The following THADA variants were observed in gnomAD, a reference collection of about 807,000 sequenced individuals.
The protein encoded by THADA is tRNA (32-2'-O)-methyltransferase regulator THADA.
In THADA, 213 loss-of-function variants were observed where a neutral mutation model predicts 219.8. The ratio of observed to expected loss-of-function variants is 0.97; its 90% confidence interval spans 0.87 to 1.09. The LOEUF (loss-of-function observed/expected upper bound fraction) is 1.09, where lower values mean the gene tolerates loss of function less well. Ranked by LOEUF, THADA falls within the 50% of genes least tolerant of loss-of-function variation. THADA has a pLI of 0.00. For missense variants in THADA, 2,956 were observed against 2,311.3 expected (o/e 1.28, Z -5.72); for synonymous variants, 1,018 against 828.9 (o/e 1.23, Z -3.92).
intron 29 of THADA, among the ~76,000 whole-genome samples, chr2:43,364,081 G>GTAACTAAA (rs200168745): frequency 0.035 from 5,275 of 151,942 alleles, 238 homozygotes; most frequent in African/African-American, 0.1. Flanking sequence ...AAAATTATAT[G>GTAACTAAA]GGTGTGACGG....
chr2:43,433,311 C>T (rs1679618836), intron 26 of THADA, among the ~76,000 whole-genome samples: 1 of 151,958 alleles, frequency 6.6e-6, no homozygotes, highest in Admixed American at 6.6e-5. Flanking sequence ...GGGTGGATCA[C>T]CTGAGGTCAG....
At chr2:43,239,715 G>A (rs1366420383) in intron 36 of THADA, among the ~76,000 whole-genome samples, 1 of 152,222 alleles carries the variant, frequency 6.6e-6, no homozygotes, top group Non-Finnish European at 1.5e-5. Context: ...CATAGTAAAT[G>A]CTGTGCAAAT....
intron 30 of THADA, chr2:43,333,145 T>C (rs899885928): frequency 2.0e-5 from 3 of 152,194 alleles, no homozygotes; most frequent in Admixed American, 2.0e-4. Context: ...ATGAAGAAAA[T>C]GTTTTGCACC....
chr2:43,438,697 C>A, intron 26 of THADA, among the ~76,000 whole-genome samples: 1 of 152,170 alleles, frequency 6.6e-6, no homozygotes, highest in East Asian at 1.9e-4. Context: ...TGGAACATTA[C>A]AGTAGTCCCC....
intron 29 of THADA, among the ~76,000 whole-genome samples, chr2:43,347,216 C>G (rs1466926935): frequency 6.6e-6 from 1 of 152,202 alleles, no homozygotes; most frequent in Non-Finnish European, 1.5e-5. Context: ...AACTTAACCT[C>G]TGTTTCTCCA....
intron 16 of THADA, 133 bp from the exon 17 acceptor site, chr2:43,556,688 G>T: frequency 1.3e-6 from 1 of 761,244 alleles, no homozygotes; most frequent in Non-Finnish European, 2.1e-6. Context: ...TACTCAAGAG[G>T]CTGATGGAGG....
At chr2:43,503,010 A>C (rs1360510760) in intron 24 of THADA, among the ~76,000 whole-genome samples, 1 of 152,216 alleles carries the variant, frequency 6.6e-6, no homozygotes, top group Admixed American at 6.5e-5. Context: ...AAAGATGCAA[A>C]ATAAAACTAG....
At chr2:43,232,260 C>G (rs956013318) in intron 37 of THADA, among the ~76,000 whole-genome samples, 3 of 151,840 alleles carry the variant, frequency 2.0e-5, no homozygotes, top group East Asian at 3.9e-4. Flanking sequence ...CTCACTGCAA[C>G]CTCCGCCTCC....
rs765126430 is a variant in THADA, at chr2:43,574,795, G to A, written c.1270C>T (p.Leu424Phe). 4.3e-6 allele frequency: 7 copies of A among 1,614,014 alleles called. No individual in the cohort carries two copies. The East Asian group carries it at 1.6e-4, about 36-fold the overall frequency. The change falls in exon 11 of 38, where the codon CTC (leucine) becomes TTC (phenylalanine). Residue 424 changes from leucine to phenylalanine, a missense_variant. Transcript: ENST00000405975. The part of the protein sequence containing the change: ...MFKNLLQMHR[L>F]TVEGADFVPD... ...ACGAAATCTGCACCTTCCACAGTGAGCCGGTGCATTTGGAGAAGGTTTTTG... is the reference window on the plus strand; with the variant it reads ...ACGAAATCTGCACCTTCCACAGTGAACCGGTGCATTTGGAGAAGGTTTTTG...
At chr2:43,502,538 T>A (rs1689124032) in intron 24 of THADA, among the ~76,000 whole-genome samples, 1 of 143,270 alleles carries the variant, frequency 7.0e-6, no homozygotes, top group Non-Finnish European at 1.5e-5. Flanking sequence ...TGAGCTGAGA[T>A]CGTGCCACTG....
At chr2:43,439,302 T>C (rs1041437592) in intron 26 of THADA, among the ~76,000 whole-genome samples, 2 of 152,222 alleles carry the variant, frequency 1.3e-5, no homozygotes, top group Admixed American at 1.3e-4. Flanking sequence ...ATCACACTCG[T>C]TTAACTTTTA....
intron 1 of THADA, among the ~76,000 whole-genome samples, chr2:43,593,434 C>A (rs1264354429): frequency 6.6e-6 from 1 of 152,106 alleles, no homozygotes; most frequent in East Asian, 1.9e-4. Context: ...AGGTACAGCG[C>A]TGGCGGCCAT....
chr2:43,571,678 TC>T (rs768244229), intron 13 of THADA, 28 bp downstream of exon 13: 3 of 1,595,582 alleles, frequency 1.9e-6, no homozygotes, highest in African/African-American at 1.4e-5. Context: ...GTTCACCACT[TC>T]CCTATGCCTT....
chr2:43,353,849 G>A (rs978455022), intron 29 of THADA, among the ~76,000 whole-genome samples: 8 of 135,948 alleles, frequency 5.9e-5, no homozygotes, highest in Non-Finnish European at 9.5e-5. Context: ...ATGTAGTCTC[G>A]CTCTGTTGCC....
intron 22 of THADA, among the ~76,000 whole-genome samples, chr2:43,514,365 C>T (rs956222367): frequency 2.0e-5 from 3 of 149,408 alleles, no homozygotes; most frequent in African/African-American, 4.9e-5. Context: ...GTGGGAGGAT[C>T]GCTTGAGCCC....
At chr2:43,514,642 TA>T in intron 22 of THADA, among the ~76,000 whole-genome samples, 1 of 98,350 alleles carries the variant, frequency 1.0e-5, no homozygotes, top group African/African-American at 4.5e-5. Flanking sequence ...ATATTTTATA[TA>T]TAATATATAT....
chr2:43,533,433 T>C (rs1436785787), intron 21 of THADA, among the ~76,000 whole-genome samples: 1 of 152,066 alleles, frequency 6.6e-6, no homozygotes, highest in Admixed American at 6.5e-5. Context: ...TAAAGACACA[T>C]GCACACATAT....
intron 25 of THADA, 102 bp from the exon 26 acceptor site, chr2:43,485,427 C>A: frequency 1.3e-6 from 1 of 792,666 alleles, no homozygotes; most frequent in South Asian, 1.7e-5. Context: ...ACCTAACTGG[C>A]TAGTGTGAGG....
intron 26 of THADA, among the ~76,000 whole-genome samples, chr2:43,472,709 G>C (rs1433133040): frequency 6.6e-6 from 1 of 152,174 alleles, no homozygotes; most frequent in African/African-American, 2.4e-5. Context: ...TTGCATTGTA[G>C]TGTAAACATC....
Sources: gnomAD v4.1 joint callset for allele counts (sites outside exome capture counted in the v4.1 genomes callset) on GRCh38, gnomAD v4.1.1 for gene constraint, MANE v1.5 for transcripts, NCBI Gene and HGNC (gene_info 2026-07-23, HGNC 2026-07-21) for gene names.